PIP5K1C: variants seen among roughly 807,000 people sequenced by gnomAD.
The protein encoded by PIP5K1C is phosphatidylinositol 4-phosphate 5-kinase type-1 gamma.
Under a neutral mutation model 80.1 loss-of-function variants are expected in PIP5K1C, and 45 were observed. That is an observed-to-expected ratio of 0.56 (90% confidence interval 0.44 to 0.72). PIP5K1C has a LOEUF of 0.72. Ranked by LOEUF, PIP5K1C falls within the 30% of genes least tolerant of loss-of-function variation. The pLI, the probability that PIP5K1C is intolerant of heterozygous loss-of-function variation, is 0.00. For synonymous variants in PIP5K1C, 498 were observed against 420.1 expected, an observed-to-expected ratio of 1.19 and a Z score of -2.27; for missense variants, 753 against 954.6, an observed-to-expected ratio of 0.79 and a Z score of 2.78.
chr19:3,638,472 G>A (rs1203497785), intron 16 of PIP5K1C, among the ~76,000 whole-genome samples: 1 of 152,250 alleles, frequency 6.6e-6, no homozygotes, highest in Non-Finnish European at 1.5e-5. Context: ...CTGTCTGGAC[G>A]TCTAGGCTGT....
At chr19:3,657,443 T>G (rs1461420763) in intron 5 of PIP5K1C, among the ~76,000 whole-genome samples, 1 of 152,122 alleles carries the variant, frequency 6.6e-6, no homozygotes, top group South Asian at 2.1e-4. Context: ...TGGTCGCCAT[T>G]GGTGTACACG....
At chr19:3,684,115 C>A (rs1042018429) in intron 1 of PIP5K1C, among the ~76,000 whole-genome samples, 2 of 152,120 alleles carry the variant, frequency 1.3e-5, no homozygotes, top group Non-Finnish European at 2.9e-5. Context: ...TGGGAAGTGG[C>A]CTCTGTGTCA....
At chr19:3,685,028 G>C (rs918600927) in intron 1 of PIP5K1C, among the ~76,000 whole-genome samples, 1 of 152,196 alleles carries the variant, frequency 6.6e-6, no homozygotes, top group Non-Finnish European at 1.5e-5. Flanking sequence ...TTTATTTATA[G>C]AAATGAGGCT....
Position 3,656,573 on chromosome 19 carries a change from G to C in PIP5K1C, c.469-16C>G. 5 of 1,612,808 alleles carry C rather than the reference G, an allele frequency of 3.1e-6. No individual in the cohort carries two copies. Among genetic ancestry groups the C allele is most frequent in the Non-Finnish European group, 4.2e-6 (5 of 1,179,854 alleles). On this transcript the variant is annotated splice_polypyrimidine_tract_variant and intron_variant, in intron 5 of 17. Transcript: ENST00000335312. ...ACAGGGAGTACTGGAAGCAGAGGAG[G>C]CGGGTCAGCGGGCCCCAAGCTGCCG...
In PIP5K1C at chr19:3,656,258, C is replaced by T. The variant is rs554816680; in HGVS notation, c.621+147G>A. ...TGCTGGTGAAGCCTGACGGGGGACC[C>T]CCGAGGGTGAGTCCCCGGGACCCAA... On this transcript the variant is annotated intron_variant, in intron 6 of 17. Coordinates refer to ENST00000335312, the MANE Select transcript of PIP5K1C (RefSeq NM_012398.3). 17 of 832,028 alleles carry T rather than the reference C, an allele frequency of 2.0e-5. No individual in the cohort carries two copies. The African/African-American group carries it at 2.8e-4, about 14-fold the overall frequency. 51.5% of individuals were successfully genotyped at this position (832,028 alleles called of 1,614,324 possible).
At chr19:3,647,465 A>G (rs2034280191) in intron 9 of PIP5K1C, 79 bp from the exon 10 acceptor site, 1 of 1,200,692 alleles carries the variant, frequency 8.3e-7, no homozygotes, top group Non-Finnish European at 1.2e-6. Context: ...GCCACTGTGC[A>G]CCCCCCAGGA....
rs1364044061 is a variant in PIP5K1C, at chr19:3,639,119, G to A, written c.1788-103C>T. 17 of 1,393,432 alleles carry A rather than the reference G, an allele frequency of 1.2e-5. 1 individual carries two copies. The highest frequency in any genetic ancestry group is 8.3e-5 in the South Asian group (7 of 84,040). The allele number at this position is 1,393,432 out of a possible 1,614,324, so 86.3% of individuals were successfully genotyped here. On this transcript the variant is annotated intron_variant, in intron 15 of 17. Transcript: ENST00000335312. The stretch of plus-strand genomic sequence containing the variant: ...GGCAGGGGCTTCATACGGTCATCAC[G>A]GAGATGAAAAGCCAGGCAGCTGACC...
intron 1 of PIP5K1C, chr19:3,670,017 AG>A (rs1568342688): frequency 7.4e-6 from 1 of 134,958 alleles, no homozygotes; most frequent in Non-Finnish European, 1.6e-5. Context: ...GGCAGGCAGC[AG>A]GTATGGAGGG....
chr19:3,652,132 G>A, intron 7 of PIP5K1C, 101 bp from the exon 8 acceptor site: 1 of 1,096,402 alleles, frequency 9.1e-7, no homozygotes, highest in Admixed American at 2.1e-5. Context: ...GGCCCCGTGG[G>A]CTCGGGTGTG....
At position 3,633,051 on chromosome 19, in the gene PIP5K1C, G is replaced by C. The variant is rs2033515903; in HGVS notation, c.*116C>G. ...CCGTGCAGGGGGAGGACGAGGTCCGGTGGGGCGGCGAGGCGGGCATCTCCC... is the reference window on the plus strand; with the variant it reads ...CCGTGCAGGGGGAGGACGAGGTCCGCTGGGGCGGCGAGGCGGGCATCTCCC... On this transcript the variant is annotated 3_prime_UTR_variant, in exon 18 of 18. Coordinates refer to ENST00000335312, the MANE Select transcript of PIP5K1C (RefSeq NM_012398.3). The C allele has an allele frequency of 3.0e-6, 2 of 672,966 alleles. No individual in the cohort carries two copies. Among genetic ancestry groups the C allele is most frequent in the Admixed American group, 4.2e-5 (2 of 47,284 alleles). 41.7% of individuals were successfully genotyped at this position (672,966 alleles called of 1,614,324 possible).
intron 6 of PIP5K1C, among the ~76,000 whole-genome samples, chr19:3,655,953 A>G (rs1490694688): frequency 1.3e-5 from 2 of 152,170 alleles, no homozygotes; most frequent in Non-Finnish European, 2.9e-5. Flanking sequence ...GAGCTGCCTC[A>G]CGCCTGCCTG....
At chr19:3,666,872 CACAG>C (rs2035029892) in intron 2 of PIP5K1C, among the ~76,000 whole-genome samples, 1 of 152,282 alleles carries the variant, frequency 6.6e-6, no homozygotes, top group Non-Finnish European at 1.5e-5. Context: ...CTGTGTGGCT[CACAG>C]ACACTGAGGG....
Position 3,633,032 on chromosome 19 carries a change from AG to A in PIP5K1C, c.*134del. The A allele has an allele frequency of 1.6e-6, 1 of 637,546 alleles. No homozygotes were observed. The allele number at this position is 637,546 out of a possible 1,614,324, so 39.5% of individuals were successfully genotyped here. On this transcript the variant is annotated 3_prime_UTR_variant, in exon 18 of 18. Transcript: ENST00000335312. ...GGGGCCCGGCCGTCGGCATCCGTGC[AG>A]GGGGAGGACGAGGTCCGGTGGGGCG...
At chr19:3,656,831 C>T (rs904403630) in intron 5 of PIP5K1C, among the ~76,000 whole-genome samples, 1 of 152,200 alleles carries the variant, frequency 6.6e-6, no homozygotes, top group Non-Finnish European at 1.5e-5. Context: ...GACACCTGAT[C>T]GCACCGGGGT....
rs1195870890 is a variant in PIP5K1C at position 3,688,041 on chromosome 19, C to T, written c.94+12256G>A. Among the ~76,000 whole-genome samples, 4 of 152,228 alleles carry T rather than the reference C, an allele frequency of 2.6e-5. No individual in the cohort carries two copies. The South Asian group carries it at 8.3e-4, about 32-fold the overall frequency. ...GCCAGCCCGCAGGTGGCGGGGCCGA[C>T]GGGATGGGTCAGGGTGCACAGAGCA... On this transcript the variant is annotated intron_variant, in intron 1 of 17. Transcript: ENST00000335312. This position sits in a 1 kb window ranked among gnomAD's most constrained non-coding sequence, Gnocchi z 5.3.
chr19:3,700,128 T>G (rs1321547908), intron 1 of PIP5K1C, among the ~76,000 whole-genome samples, 169 bp downstream of exon 1: 1 of 151,356 alleles, frequency 6.6e-6, no homozygotes, highest in Non-Finnish European at 1.5e-5. Context: ...CCGGCGCGGC[T>G]TCAGCCCCGT....
At chr19:3,655,119 A>AAG (rs1174640634) in intron 6 of PIP5K1C, among the ~76,000 whole-genome samples, 1 of 148,482 alleles carries the variant, frequency 6.7e-6, no homozygotes, top group African/African-American at 2.5e-5. Flanking sequence ...AAAAAAAAAA[A>AAG]AAAAAAAAAA....
intron 16 of PIP5K1C, among the ~76,000 whole-genome samples, chr19:3,634,053 C>G (rs773357527): frequency 1.3e-5 from 2 of 152,036 alleles, no homozygotes; most frequent in African/African-American, 4.8e-5. Flanking sequence ...CCAGCACAGA[C>G]GTGCTAGGAG....
intron 5 of PIP5K1C, among the ~76,000 whole-genome samples, chr19:3,660,318 T>C (rs2034789572): frequency 6.6e-6 from 1 of 151,350 alleles, no homozygotes; most frequent in Non-Finnish European, 1.5e-5. Context: ...AGGCGGAGCT[T>C]ACAGTGAGCC....
Sources: allele counts gnomAD v4.1 joint callset (sites outside exome capture counted in the v4.1 genomes callset), GRCh38; gene constraint gnomAD v4.1.1; non-coding constraint Gnocchi (gnomAD v3.1); transcripts MANE v1.5; gene names NCBI Gene and HGNC (gene_info 2026-07-23, HGNC 2026-07-21).